Variants in ZNF718 observed in about 807,000 individuals in gnomAD.
The protein encoded by ZNF718 is zinc finger protein 718.
Under a neutral mutation model 2.6 loss-of-function variants are expected in ZNF718, and 3 were observed. That is an observed-to-expected ratio of 1.16 (90% CI 0.53 to 3.01). The LOEUF (loss-of-function observed/expected upper bound fraction) is 3.01, where lower values mean the gene tolerates loss of function less well. Among genes scored for constraint, ZNF718 ranks in the 30% most tolerant of loss-of-function variants. The pLI, the probability that ZNF718 is intolerant of heterozygous loss-of-function variation, is 0.03. For missense variants in ZNF718, 468 were observed against 230.0 expected (o/e 2.03, Z -6.69); for synonymous variants, 135 against 77.9 (o/e 1.73, Z -3.86).
At position 160,300 on chromosome 4, in the gene ZNF718, G is replaced by A. The variant is rs147740855; in HGVS notation, c.227-612G>A. On this transcript the variant is annotated intron_variant, in intron 3 of 3. Transcript: ENST00000510175. ...TTGTGGGAAGGAAGAGCTGCAGTGG[G>A]TAAATGTAACATACTTTACTTCGTG... Among the ~76,000 whole-genome samples, 464 of 152,292 alleles carry A rather than the reference G, an allele frequency of 3.0e-3. 1 individual carries two copies. The highest frequency in any genetic ancestry group is 5.9e-3 in the Non-Finnish European group (401 of 68,028).
At chr4:140,050 G>A (rs541089453) in intron 3 of ZNF718, among the ~76,000 whole-genome samples, 40 of 151,902 alleles carry the variant, frequency 2.6e-4, no homozygotes, top group African/African-American at 8.9e-4. Context: ...CGTGGTCCCC[G>A]ATCCCTATGT....
chr4:181,877 CATTA>C (rs1419952787), intron 3 of ZNF718, among the ~76,000 whole-genome samples: 2 of 152,128 alleles, frequency 1.3e-5, no homozygotes, highest in African/African-American at 4.8e-5. Context: ...CATGTGTTCT[CATTA>C]ATTAGCTCCC....
rs1484397060 is a variant in ZNF718, at chr4:124,601, T to G, written c.-70T>G. 1 of 1,596,292 alleles carries G rather than the reference T, an allele frequency of 6.3e-7. No individual in the cohort carries two copies. Among genetic ancestry groups the G allele is most frequent in the Non-Finnish European group, 8.5e-7 (1 of 1,174,898 alleles). ...GTGATTCTGCCACAGCCTCAGCCTC[T>G]GTGGCTCTGTGACCTGCCGGTATTG... is the stretch of plus-strand genomic sequence containing the variant. On this transcript the variant is annotated 5_prime_UTR_variant, in exon 1 of 4. Transcript: ENST00000510175.
rs1443131844 is a variant in ZNF718, at chr4:143,913, A to AC, written c.226+12415dup. 9.3e-5 allele frequency among the ~76,000 whole-genome samples: 14 copies of AC among 150,736 alleles called. No individual in the cohort carries two copies. In the East Asian group the frequency reaches 9.8e-4, roughly 11 times the overall value. ...AGTTACAGAAAGAAAAAGACCGTTG[A>AC]CCCCCCCGTCTCCTATAAGGATTTA... On this transcript the variant is annotated intron_variant, in intron 3 of 3. Transcript: ENST00000510175.
chr4:180,349 A>C (rs1581478490), intron 3 of ZNF718, among the ~76,000 whole-genome samples: 2 of 152,254 alleles, frequency 1.3e-5, no homozygotes, highest in East Asian at 3.8e-4. Context: ...TTTGTAAATT[A>C]GTCTAGGCAG....
At chr4:200,460 G>A (rs532395090) in intron 3 of ZNF718, among the ~76,000 whole-genome samples, 3 of 152,176 alleles carry the variant, frequency 2.0e-5, no homozygotes, top group South Asian at 2.1e-4. Context: ...GTAGAGACAG[G>A]GTTTCACCAT....
chr4:169,984 A>T (rs1322215158), intron 3 of ZNF718, among the ~76,000 whole-genome samples: 1 of 152,092 alleles, frequency 6.6e-6, no homozygotes, highest in African/African-American at 2.4e-5. Flanking sequence ...TGTGGCTGGT[A>T]CCAGTTATTC....
intron 3 of ZNF718, among the ~76,000 whole-genome samples, chr4:193,516 G>C (rs1446192662): frequency 6.6e-6 from 1 of 152,140 alleles, no homozygotes; most frequent in Non-Finnish European, 1.5e-5. Context: ...CTCTCCCTAA[G>C]AAAGGAGTGG....
intron 3 of ZNF718, among the ~76,000 whole-genome samples, chr4:135,675 T>C (rs1196413975): frequency 7.2e-6 from 1 of 139,382 alleles, no homozygotes; most frequent in African/African-American, 2.6e-5. Context: ...CACAAGATTA[T>C]GTATCCTGAT....
chr4:187,673 G>A (rs2108815252), intron 3 of ZNF718, among the ~76,000 whole-genome samples: 1 of 152,336 alleles, frequency 6.6e-6, no homozygotes, highest in Admixed American at 6.5e-5. Context: ...ACTGTAGGAG[G>A]TGGCTGGAGA....
intron 3 of ZNF718, among the ~76,000 whole-genome samples, chr4:173,810 G>A (rs539251431): frequency 2.6e-5 from 4 of 152,250 alleles, no homozygotes; most frequent in South Asian, 4.1e-4. Flanking sequence ...TTGGCTGAGC[G>A]AGGGATGAAA....
At chr4:153,456 C>G (rs1553813024) in intron 3 of ZNF718, among the ~76,000 whole-genome samples, 1 of 152,064 alleles carries the variant, frequency 6.6e-6, no homozygotes, top group Non-Finnish European at 1.5e-5. Flanking sequence ...TGAAAAAAGT[C>G]ATTGATATTA....
chr4:169,565 T>G lies in ZNF718; in HGVS notation c.227-31516T>G, dbSNP rs192616121. ...TTGGGTGCATATATATTTAGGATAG[T>G]TAGTTATTCTTGTTGAATTGATCCC... On this transcript the variant is annotated intron_variant and NMD_transcript_variant, in intron 3 of 4. Coordinates refer to the ZNF718 transcript ENST00000642529. Among the ~76,000 whole-genome samples the G allele has an allele frequency of 2.4e-3, 371 of 152,298 alleles. 2 individuals are homozygous for G. Among genetic ancestry groups the G allele is most frequent in the African/African-American group, 8.3e-3 (343 of 41,558 alleles).
At chr4:124,870 T>C (rs1488033188) in intron 1 of ZNF718, 197 bp downstream of exon 1, 6 of 619,752 alleles carry the variant, frequency 9.7e-6, no homozygotes, top group African/African-American at 1.9e-5. Context: ...CTTGTGCAGC[T>C]CTGCGCCGGT....
At chr4:154,859 T>C (rs958375995) in intron 3 of ZNF718, among the ~76,000 whole-genome samples, 1 of 152,204 alleles carries the variant, frequency 6.6e-6, no homozygotes, top group Non-Finnish European at 1.5e-5. Context: ...GAAAAATGTC[T>C]CTAGGGCATT....
At chr4:154,960 A>G (rs1354919797) in intron 3 of ZNF718, among the ~76,000 whole-genome samples, 3 of 152,130 alleles carry the variant, frequency 2.0e-5, no homozygotes, top group Admixed American at 1.3e-4. Context: ...CCCCCTTCCT[A>G]GGGCGTTGGT....
intron 3 of ZNF718, chr4:142,029 G>A (rs1553810341): frequency 3.8e-6 from 2 of 519,942 alleles, no homozygotes; most frequent in East Asian, 5.5e-5. Context: ...TGAGAACATA[G>A]GAGAAAAACT....
At chr4:192,798 G>A (rs1553821439) in intron 3 of ZNF718, among the ~76,000 whole-genome samples, 1 of 152,284 alleles carries the variant, frequency 6.6e-6, no homozygotes, top group East Asian at 1.9e-4. Flanking sequence ...TTCGATTCTG[G>A]AAGAGACAAA....
intron 3 of ZNF718, among the ~76,000 whole-genome samples, chr4:198,778 CAG>C (rs1717841380): frequency 6.6e-6 from 1 of 152,212 alleles, no homozygotes; most frequent in African/African-American, 2.4e-5. Flanking sequence ...GGCTGGATTT[CAG>C]AGTCCTGAAT....
Sources: gnomAD v4.1 joint callset for allele counts (sites outside exome capture counted in the v4.1 genomes callset) on GRCh38, gnomAD v4.1.1 for gene constraint, MANE v1.5 for transcripts, NCBI Gene and HGNC (gene_info 2026-07-23, HGNC 2026-07-21) for gene names.